Variants in AUTS2 observed in about 807,000 individuals in gnomAD.
The protein encoded by AUTS2 is activator of transcription and developmental regulator AUTS2.
AUTS2 carries 17 observed loss-of-function variants against 112.4 expected under a neutral mutation model. That is an observed-to-expected ratio of 0.15 (90% CI 0.10 to 0.23). The LOEUF (loss-of-function observed/expected upper bound fraction) is 0.23, where lower values mean the gene tolerates loss of function less well. Among genes scored for constraint, AUTS2 ranks in the 10% least tolerant of loss-of-function variants. AUTS2 has a pLI of 1.00. For missense variants in AUTS2, 1,510 were observed against 1,701.6 expected, an observed-to-expected ratio of 0.89 and a Z score of 1.98; for synonymous variants, 751 against 702.7, an observed-to-expected ratio of 1.07 and a Z score of -1.09.
chr7:70,169,168 ATT>A (rs1336947180), intron 4 of AUTS2, among the ~76,000 whole-genome samples: 2 of 152,132 alleles, frequency 1.3e-5, no homozygotes, highest in African/African-American at 4.8e-5. Flanking sequence ...AAAAAATAAT[ATT>A]TCTGGATTAA....
At chr7:69,891,796 T>C (rs1794536168) in intron 1 of AUTS2, among the ~76,000 whole-genome samples, 2 of 110,980 alleles carry the variant, frequency 1.8e-5, no homozygotes, top group African/African-American at 7.3e-5. Context: ...TTTTTTTTTT[T>C]TTTTTTTTTT....
At chr7:70,575,069 A>G (rs1433210525) in intron 5 of AUTS2, among the ~76,000 whole-genome samples, 2 of 152,220 alleles carry the variant, frequency 1.3e-5, no homozygotes, top group African/African-American at 4.8e-5. Flanking sequence ...ATAACCAGAA[A>G]GGGATGTGTC....
At chr7:70,401,641 G>A (rs73173598) in intron 4 of AUTS2, among the ~76,000 whole-genome samples, 10,936 of 152,228 alleles carry the variant, frequency 0.072, 462 homozygotes, top group Middle Eastern at 0.14. Flanking sequence ...GAAGGCCTAC[G>A]GTTAGGAGTC....
intron 1 of AUTS2, among the ~76,000 whole-genome samples, chr7:69,898,270 AG>A (rs1286414582): frequency 2.6e-5 from 4 of 152,196 alleles, no homozygotes; most frequent in African/African-American, 9.6e-5. Flanking sequence ...AGGCTTCATG[AG>A]GGGGATTTTC....
intron 1 of AUTS2, among the ~76,000 whole-genome samples, chr7:69,731,671 G>C (rs1786800146): frequency 6.6e-6 from 1 of 152,186 alleles, no homozygotes; most frequent in Admixed American, 6.5e-5. Context: ...ATGGCTTCAA[G>C]AGGTTGTTCC....
intron 15 of AUTS2, 200 bp from the exon 16 acceptor site, chr7:70,784,742 T>TAAA (rs71077682): frequency 5.7e-5 from 16 of 281,008 alleles, no homozygotes; most frequent in South Asian, 1.2e-4. Context: ...TTCTGCTTCC[T>TAAA]AAAAAAAAAA....
At position 70,352,093 on chromosome 7, in the gene AUTS2, TCTCTGA is replaced by T. The variant is rs1485897134; in HGVS notation, c.661-83657_661-83652del. ...TACAAATATTTAATCTTCATAACAA[TCTCTGA>T]CATAGATACTACTGTTAATCCCATC... is the stretch of plus-strand genomic sequence containing the variant. On this transcript the variant is annotated intron_variant, in intron 4 of 18. Coordinates refer to ENST00000342771, the MANE Select transcript of AUTS2 (RefSeq NM_015570.4). Among the ~76,000 whole-genome samples, 7 of 152,184 alleles carry T rather than the reference TCTCTGA, an allele frequency of 4.6e-5. No homozygotes were observed. In the East Asian group the frequency reaches 1.3e-3, roughly 29 times the overall value.
chr7:70,091,455 A>C (rs1038616669), intron 2 of AUTS2, among the ~76,000 whole-genome samples: 3 of 151,982 alleles, frequency 2.0e-5, no homozygotes, highest in African/African-American at 7.2e-5. Flanking sequence ...TACAAAATAC[A>C]CTCCAGGTCC....
At chr7:69,977,803 TATATC>T (rs992093789) in intron 2 of AUTS2, among the ~76,000 whole-genome samples, 6 of 152,334 alleles carry the variant, frequency 3.9e-5, no homozygotes, top group African/African-American at 1.4e-4. Context: ...GATGACATCA[TATATC>T]ATATCGGATA....
chr7:70,340,685 C>A (rs150557596), intron 4 of AUTS2, among the ~76,000 whole-genome samples: 1 of 152,186 alleles, frequency 6.6e-6, no homozygotes, highest in Non-Finnish European at 1.5e-5. Context: ...ATGTATGAAT[C>A]TTTGCCTTCT....
chr7:70,466,437 G>A (rs1797169196), intron 5 of AUTS2, among the ~76,000 whole-genome samples: 1 of 151,988 alleles, frequency 6.6e-6, no homozygotes, highest in South Asian at 2.1e-4. Context: ...TCTTTCCTTT[G>A]CCATATATTT....
intron 5 of AUTS2, among the ~76,000 whole-genome samples, chr7:70,448,082 G>T (rs1361740337): frequency 6.6e-6 from 1 of 152,224 alleles, no homozygotes; most frequent in Admixed American, 6.5e-5. Flanking sequence ...AATGACTGCA[G>T]ATTCCATATT....
intron 6 of AUTS2, among the ~76,000 whole-genome samples, chr7:70,706,804 G>C (rs901978840): frequency 6.6e-6 from 1 of 152,224 alleles, no homozygotes; most frequent in African/African-American, 2.4e-5. Context: ...AAGAATAATT[G>C]TTGGACTGGC....
chr7:70,160,963 G>A (rs778184755), intron 4 of AUTS2, among the ~76,000 whole-genome samples: 1 of 152,212 alleles, frequency 6.6e-6, no homozygotes, highest in African/African-American at 2.4e-5. Context: ...ATTTCAACTC[G>A]GCTGGAATTA....
intron 4 of AUTS2, among the ~76,000 whole-genome samples, chr7:70,397,656 T>G (rs933642305): frequency 6.9e-6 from 1 of 145,360 alleles, no homozygotes; most frequent in African/African-American, 2.6e-5. Context: ...CTTACATGTA[T>G]GTACACACAC....
intron 5 of AUTS2, among the ~76,000 whole-genome samples, chr7:70,457,220 T>C (rs1355927751): frequency 6.6e-6 from 1 of 152,164 alleles, no homozygotes; most frequent in Non-Finnish European, 1.5e-5. Flanking sequence ...GCCCACCAGC[T>C]GTGTGAGGGG....
At chr7:70,481,039 T>G (rs1460518572) in intron 5 of AUTS2, among the ~76,000 whole-genome samples, 2 of 152,138 alleles carry the variant, frequency 1.3e-5, no homozygotes. Context: ...AGGCTCATGT[T>G]GAAAAACACT....
intron 5 of AUTS2, chr7:70,436,015 C>T (rs973746101): frequency 2.7e-5 from 11 of 412,444 alleles, no homozygotes; most frequent in African/African-American, 2.0e-4. Context: ...ATATGTGACA[C>T]TGAGTTTTTA....
At chr7:70,088,362 C>G (rs139947733) in intron 2 of AUTS2, among the ~76,000 whole-genome samples, 3 of 151,872 alleles carry the variant, frequency 2.0e-5, no homozygotes, top group Non-Finnish European at 4.4e-5. Flanking sequence ...TTCCTGACCT[C>G]GTGATCTTCC....
Sources: gnomAD v4.1 joint callset for allele counts (sites outside exome capture counted in the v4.1 genomes callset) on GRCh38, gnomAD v4.1.1 for gene constraint, MANE v1.5 for transcripts, NCBI Gene and HGNC (gene_info 2026-07-23, HGNC 2026-07-21) for gene names.